The following UBE3C variants were observed in gnomAD, a reference collection of about 807,000 sequenced individuals.
UBE3C encodes ubiquitin-protein ligase E3C.
In UBE3C, 42 loss-of-function variants were observed where a neutral mutation model predicts 129.4. The observed-to-expected ratio is 0.32, with a 90% CI of 0.25 to 0.42. The LOEUF (loss-of-function observed/expected upper bound fraction) is 0.42, where lower values mean the gene tolerates loss of function less well. Ranked by LOEUF, UBE3C falls within the 10% of genes least tolerant of loss-of-function variation. UBE3C has a pLI of 1.00. For synonymous variants in UBE3C, 510 were observed against 492.4 expected (o/e 1.04, Z -0.47); for missense variants, 1,049 against 1,319.1 (o/e 0.80, Z 3.17).
intron 18 of UBE3C, among the ~76,000 whole-genome samples, chr7:157,240,541 G>C (rs1387117940): frequency 1.3e-5 from 2 of 152,214 alleles, no homozygotes; most frequent in Non-Finnish European, 2.9e-5. Flanking sequence ...ACGGCTGTGT[G>C]GGTCTGACTA....
chr7:157,197,462 A>G (rs1809152438), intron 10 of UBE3C: 1 of 629,304 alleles, frequency 1.6e-6, no homozygotes, highest in African/African-American at 1.8e-5. Flanking sequence ...GGAAGACAGA[A>G]TAACAATAAA....
intron 12 of UBE3C, 53 bp downstream of exon 12, chr7:157,207,608 C>T (rs1213211827): frequency 5.6e-6 from 9 of 1,593,158 alleles, no homozygotes; most frequent in Non-Finnish European, 6.8e-6. Context: ...CATCAGTTTT[C>T]ATAGACAGTA....
At chr7:157,156,725 A>C (rs2116836473) in intron 1 of UBE3C, among the ~76,000 whole-genome samples, 1 of 152,080 alleles carries the variant, frequency 6.6e-6, no homozygotes, top group East Asian at 1.9e-4. Flanking sequence ...AAAAAAAAAA[A>C]AAAAACACAA....
chr7:157,249,410 G>T (rs1036994234), intron 19 of UBE3C, among the ~76,000 whole-genome samples: 7 of 152,062 alleles, frequency 4.6e-5, no homozygotes, highest in Admixed American at 4.6e-4. Context: ...CCACCTCCCG[G>T]GTTCAAGTGA....
chr7:157,217,678 A>G (rs1795619901), intron 14 of UBE3C, among the ~76,000 whole-genome samples: 1 of 152,112 alleles, frequency 6.6e-6, no homozygotes, highest in African/African-American at 2.4e-5. Flanking sequence ...CTCTATTGAA[A>G]ATACAAAAAT....
At chr7:157,211,603 G>A (rs1046689563) in intron 13 of UBE3C, among the ~76,000 whole-genome samples, 6 of 152,028 alleles carry the variant, frequency 3.9e-5, no homozygotes, top group Non-Finnish European at 7.4e-5. Context: ...CAAGCTTAGC[G>A]TTCCAGTAAT....
intron 9 of UBE3C, among the ~76,000 whole-genome samples, chr7:157,185,165 A>C (rs1326704290): frequency 1.3e-5 from 2 of 152,266 alleles, no homozygotes; most frequent in Admixed American, 1.3e-4. Flanking sequence ...ATTCATGTGA[A>C]GATGAGGCTG....
At chr7:157,163,158 G>A (rs560975611) in intron 1 of UBE3C, among the ~76,000 whole-genome samples, 1 of 152,082 alleles carries the variant, frequency 6.6e-6, no homozygotes, top group South Asian at 2.1e-4. Flanking sequence ...GGCCGAGGCG[G>A]GTGGATCAGG....
intron 6 of UBE3C, among the ~76,000 whole-genome samples, chr7:157,180,408 T>C (rs910122840): frequency 2.0e-5 from 3 of 152,252 alleles, no homozygotes; most frequent in African/African-American, 4.8e-5. Flanking sequence ...AGCTTTCATA[T>C]GAGTTTCACT....
At chr7:157,262,730 C>T (rs1457473947) in intron 22 of UBE3C, among the ~76,000 whole-genome samples, 1 of 152,068 alleles carries the variant, frequency 6.6e-6, no homozygotes, top group Non-Finnish European at 1.5e-5. Flanking sequence ...CTCTTCATAG[C>T]ATTTTGTGGG....
In UBE3C at chr7:157,151,156, C is replaced by T. The variant is rs149291516; in HGVS notation, c.66+11818C>T. ...CCCCTAAAGGGCAGCAGTAGCAAAGCGTCTGTGGACATAATCCTGAAGCCA... is the reference window on the plus strand; with the variant it reads ...CCCCTAAAGGGCAGCAGTAGCAAAGTGTCTGTGGACATAATCCTGAAGCCA... On this transcript the variant is annotated intron_variant, in intron 1 of 22. Transcript: ENST00000348165. 4.6e-3 allele frequency among the ~76,000 whole-genome samples: 704 copies of T among 152,324 alleles called. 5 individuals are homozygous for T. Among genetic ancestry groups the T allele is most frequent in the African/African-American group, 0.016 (663 of 41,582 alleles).
chr7:157,167,467 A>G (rs1232162873), intron 2 of UBE3C, among the ~76,000 whole-genome samples: 2 of 151,998 alleles, frequency 1.3e-5, no homozygotes, highest in Non-Finnish European at 2.9e-5. Context: ...CAGTTTCTGC[A>G]TCTTTAAACT....
chr7:157,257,175 A>G, intron 22 of UBE3C, 131 bp downstream of exon 22: 1 of 1,272,720 alleles, frequency 7.9e-7, no homozygotes, highest in Non-Finnish European at 1.1e-6. Context: ...TTTTTAATTA[A>G]GTACTGGTTA....
At chr7:157,252,854 A>T (rs1419526957) in intron 19 of UBE3C, among the ~76,000 whole-genome samples, 1 of 152,238 alleles carries the variant, frequency 6.6e-6, no homozygotes, top group African/African-American at 2.4e-5. Flanking sequence ...TGTCCACAGT[A>T]TAGGTTGCCC....
chr7:157,198,092 A>T, intron 10 of UBE3C: 1 of 1,612,238 alleles, frequency 6.2e-7, no homozygotes, highest in Non-Finnish European at 8.5e-7. Context: ...GAAATTGAGC[A>T]TTTGTTGGTT....
intron 16 of UBE3C, among the ~76,000 whole-genome samples, chr7:157,223,935 C>T (rs944135324): frequency 1.3e-5 from 2 of 152,116 alleles, no homozygotes; most frequent in African/African-American, 4.8e-5. Flanking sequence ...GGGGAAGAAA[C>T]TTTGCATTGT....
In UBE3C at chr7:157,265,244, C is replaced by T. The variant is rs541003499; in HGVS notation, c.3082-2341C>T. On this transcript the variant is annotated intron_variant, in intron 22 of 22. Transcript: ENST00000348165. ...GGCTGACCTAGCTAGGTCTCTGAAA[C>T]CCGTGCCAGATACTAAATCTGCACA... Among the ~76,000 whole-genome samples the T allele has an allele frequency of 1.8e-4, 27 of 152,318 alleles. 1 individual carries two copies. The South Asian group carries it at 5.6e-3, about 32-fold the overall frequency.
Position 157,170,325 on chromosome 7 carries a change from T to A in UBE3C, c.217T>A (p.Phe73Ile). The change falls in exon 4 of 23, where the codon TTT (phenylalanine) becomes ATT (isoleucine). Residue 73 changes from phenylalanine to isoleucine, a missense_variant. Around this residue, in one of 4 missense-constraint regions of UBE3C, gnomAD observed 489 missense variants for 513.8 expected, o/e 0.95. Coordinates refer to ENST00000348165, the MANE Select transcript of UBE3C (RefSeq NM_014671.3). ...KQQYSIQRSA[F>I]DRCATLSQSG... ...CCAGTATTCCATCCAAAGAAGTGCA[T>A]TTGATCGCTGTGCTACCTTGTCACA... 1 of 1,524,938 alleles carries A rather than the reference T, an allele frequency of 6.6e-7. No individual in the cohort carries two copies. Among genetic ancestry groups the A allele is most frequent in the South Asian group, 1.3e-5 (1 of 77,102 alleles). 94.5% of individuals were successfully genotyped at this position (1,524,938 alleles called of 1,614,324 possible).
chr7:157,243,014 C>T (rs1372990540), intron 18 of UBE3C, among the ~76,000 whole-genome samples: 1 of 151,938 alleles, frequency 6.6e-6, no homozygotes. Context: ...AAGATTGTGC[C>T]ACTGCTCTCC....
Sources: allele counts gnomAD v4.1 joint callset (sites outside exome capture counted in the v4.1 genomes callset), GRCh38; gene constraint gnomAD v4.1.1; regional missense constraint gnomAD v4.1.1; transcripts MANE v1.5; gene names NCBI Gene and HGNC (gene_info 2026-07-23, HGNC 2026-07-21).